The following MTHFD1L variants were observed in gnomAD, a reference collection of about 807,000 sequenced individuals.
MTHFD1L encodes monofunctional C1-tetrahydrofolate synthase, mitochondrial.
In MTHFD1L, 81 loss-of-function variants were observed where a neutral mutation model predicts 119.5. That is an observed-to-expected ratio of 0.68 (90% CI 0.57 to 0.82). The LOEUF (loss-of-function observed/expected upper bound fraction) is 0.82, where lower values mean the gene tolerates loss of function less well. Among genes scored for constraint, MTHFD1L ranks in the 40% least tolerant of loss-of-function variants. The pLI is 0.00. For missense variants in MTHFD1L, 1,125 were observed against 1,253.4 expected (o/e 0.90, Z 1.55); for synonymous variants, 430 against 475.2 (o/e 0.90, Z 1.24).
chr6:150,877,708 A>G, intron 3 of MTHFD1L, 24 bp downstream of exon 3: 1 of 1,614,230 alleles, frequency 6.2e-7, no homozygotes, highest in Non-Finnish European at 8.5e-7. Context: ...CTTTTAAAAA[A>G]TTCACTATAA....
chr6:151,057,798 A>C (rs181955001), intron 26 of MTHFD1L, among the ~76,000 whole-genome samples: 1 of 152,046 alleles, frequency 6.6e-6, no homozygotes, highest in Non-Finnish European at 1.5e-5. Context: ...TGTTTGTTTG[A>C]GACGGAGTCT....
At chr6:150,927,304 C>G (rs1338452800) in intron 11 of MTHFD1L, among the ~76,000 whole-genome samples, 1 of 152,000 alleles carries the variant, frequency 6.6e-6, no homozygotes, top group Non-Finnish European at 1.5e-5. Flanking sequence ...CTGATAGAGT[C>G]TCTCAGCCAT....
chr6:150,896,501 G>A (rs1459452148), intron 7 of MTHFD1L, among the ~76,000 whole-genome samples: 7 of 152,132 alleles, frequency 4.6e-5, no homozygotes, highest in Non-Finnish European at 7.3e-5. Flanking sequence ...GGACCCTCCT[G>A]GGCATCACAG....
chr6:151,029,133 A>G (rs528078233), intron 24 of MTHFD1L, among the ~76,000 whole-genome samples: 1 of 151,942 alleles, frequency 6.6e-6, no homozygotes, highest in South Asian at 2.1e-4. Context: ...AAAAATATAT[A>G]TTTTAGGCCA....
At chr6:150,867,714 T>C (rs1778648153) in intron 1 of MTHFD1L, among the ~76,000 whole-genome samples, 2 of 152,154 alleles carry the variant, frequency 1.3e-5, no homozygotes, top group Admixed American at 1.3e-4. Context: ...GTGCCCAGCA[T>C]GTAATAAGCA....
intron 11 of MTHFD1L, among the ~76,000 whole-genome samples, chr6:150,929,025 A>G (rs1445193134): frequency 6.6e-6 from 1 of 152,056 alleles, no homozygotes; most frequent in Non-Finnish European, 1.5e-5. Flanking sequence ...CTAGAACCCC[A>G]AACTTAATGT....
chr6:150,905,651 T>A lies in MTHFD1L; in HGVS notation c.782T>A (p.Leu261His). 1.2e-6 allele frequency: 2 copies of A among 1,613,608 alleles called. No individual in the cohort carries two copies. The highest frequency in any genetic ancestry group is 2.2e-5 in the South Asian group (2 of 91,072). Residue 261 changes from leucine to histidine, a missense_variant and splice_region_variant, in exon 8 of 28, where the codon CTT becomes CAT. Leu to His is a moderately conservative substitution (Grantham distance 99, BLOSUM62 -3). This residue lies in a region of MTHFD1L where 1,058 missense variants were observed against 1,151.2 expected (regional missense o/e 0.92). Transcript: ENST00000367321. ...QWKTRQLQSK[L>H]HEADIVVLGS... is the part of the protein sequence containing the mutation. ...GTGTTTTTTTCTTTCTCCTTTTAGCTTCACGAGGCTGACATTGTGGTCCTA... is the reference window on the plus strand; with the variant it reads ...GTGTTTTTTTCTTTCTCCTTTTAGCATCACGAGGCTGACATTGTGGTCCTA...
At chr6:150,876,957 A>C (rs1299108862) in intron 2 of MTHFD1L, among the ~76,000 whole-genome samples, 1 of 152,224 alleles carries the variant, frequency 6.6e-6, no homozygotes, top group Admixed American at 6.5e-5. Flanking sequence ...CAATAGAAAG[A>C]AAATTAGATT....
intron 27 of MTHFD1L, chr6:151,099,729 C>T (rs1327472081): frequency 1.9e-6 from 3 of 1,610,802 alleles, no homozygotes; most frequent in Non-Finnish European, 2.5e-6. Flanking sequence ...AAACAAAGCA[C>T]ATGCTGCCCA....
chr6:151,091,206 T>C (rs1794402405), intron 26 of MTHFD1L, among the ~76,000 whole-genome samples: 1 of 151,326 alleles, frequency 6.6e-6, no homozygotes, highest in African/African-American at 2.4e-5. Context: ...TCCATGCGAC[T>C]GGGTGCAGCA....
chr6:150,933,138 C>T (rs1286843026), intron 11 of MTHFD1L, among the ~76,000 whole-genome samples: 1 of 152,046 alleles, frequency 6.6e-6, no homozygotes, highest in Non-Finnish European at 1.5e-5. Flanking sequence ...CTGAGCAGTC[C>T]TGTGTTTCTA....
intron 9 of MTHFD1L, among the ~76,000 whole-genome samples, chr6:150,920,673 A>G (rs1284546062): frequency 1.3e-5 from 2 of 152,180 alleles, no homozygotes; most frequent in Non-Finnish European, 2.9e-5. Context: ...ACGCAGTCCT[A>G]TATTTTCTTC....
intron 20 of MTHFD1L, among the ~76,000 whole-genome samples, chr6:150,985,577 C>T (rs1778172294): frequency 6.9e-6 from 1 of 145,216 alleles, no homozygotes; most frequent in African/African-American, 2.5e-5. Context: ...AAGAGAATTG[C>T]TTGAACCTGG....
chr6:151,096,384 G>A lies in MTHFD1L; in HGVS notation c.*31+3797G>A, dbSNP rs1029737244. ...AGTGGGCAGTGGTTCAAAACCCATC[G>A]TTTGACCCTGCTTGAACAATCAAAA... On this transcript the variant is annotated intron_variant, in intron 27 of 27. Coordinates refer to ENST00000367321, the MANE Select transcript of MTHFD1L (RefSeq NM_015440.5). Among the ~76,000 whole-genome samples the A allele has an allele frequency of 3.3e-5, 5 of 152,126 alleles. No individual in the cohort carries two copies. In the South Asian group the frequency reaches 6.2e-4, roughly 19 times the overall value.
At chr6:150,927,455 CTT>C (rs543783528) in intron 11 of MTHFD1L, among the ~76,000 whole-genome samples, 23,055 of 124,796 alleles carry the variant, frequency 0.18, 1,907 homozygotes, top group African/African-American at 0.3. Flanking sequence ...ATCCCAGATT[CTT>C]TTTTTTTTTT....
At chr6:151,065,933 C>T (rs1163069330) in intron 26 of MTHFD1L, among the ~76,000 whole-genome samples, 2 of 152,220 alleles carry the variant, frequency 1.3e-5, no homozygotes, top group Non-Finnish European at 2.9e-5. Context: ...GACTACTCTT[C>T]AATTCCTTTA....
At chr6:150,887,062 G>C (rs557019737) in intron 6 of MTHFD1L, among the ~76,000 whole-genome samples, 40 of 150,022 alleles carry the variant, frequency 2.7e-4, no homozygotes, top group Non-Finnish European at 5.5e-4. Context: ...AGTTTGAATA[G>C]AAATGAAGCA....
Position 150,923,549 on chromosome 6 carries a change from T to TA in MTHFD1L, c.1082+1247_1082+1248insA, listed in dbSNP as rs1434257229. 2.4e-4 allele frequency among the ~76,000 whole-genome samples: 16 copies of TA among 67,314 alleles called. 1 individual carries two copies. In the East Asian group the frequency reaches 4.9e-3, roughly 20 times the overall value. The allele number at this position is 67,314 out of a possible 152,430, so 44.2% of individuals were successfully genotyped here. ...TATTTATTTATTTATTTTTTCTTTT[T>TA]TTTTTTTTTTTTTTTGAGACAGAGT... On this transcript the variant is annotated intron_variant, in intron 10 of 27. Transcript: ENST00000367321.
At chr6:150,925,926 T>G (rs1391186933) in intron 10 of MTHFD1L, among the ~76,000 whole-genome samples, 196 bp from the exon 11 acceptor site, 1 of 152,194 alleles carries the variant, frequency 6.6e-6, no homozygotes, top group East Asian at 1.9e-4. Flanking sequence ...TTTTTGGAGT[T>G]GCATTTCTAA....
Sources: allele counts gnomAD v4.1 joint callset (sites outside exome capture counted in the v4.1 genomes callset), GRCh38; gene constraint gnomAD v4.1.1; regional missense constraint gnomAD v4.1.1; transcripts MANE v1.5; gene names NCBI Gene and HGNC (gene_info 2026-07-23, HGNC 2026-07-21).